WDPCP: variants seen among roughly 807,000 people sequenced by gnomAD.
WDPCP encodes WD repeat-containing and planar cell polarity effector protein fritz homolog.
WDPCP carries 71 observed loss-of-function variants against 93.1 expected under a neutral mutation model. The observed-to-expected ratio is 0.76, with a 90% CI of 0.63 to 0.93. The LOEUF is 0.93. Among genes scored for constraint, WDPCP ranks in the 40% least tolerant of loss-of-function variants. WDPCP has a pLI of 0.00. For synonymous variants in WDPCP, 315 were observed against 315.0 expected, an observed-to-expected ratio of 1.00 and a Z score of 0.00; for missense variants, 844 against 887.4, an observed-to-expected ratio of 0.95 and a Z score of 0.62.
Position 63,622,851 on chromosome 2 carries a change from T to C in WDPCP, n.488+27808A>G. The C allele has an allele frequency of 1.9e-6, 3 of 1,592,052 alleles. No individual in the cohort carries two copies. In the South Asian group the frequency reaches 3.3e-5, roughly 18 times the overall value. On this transcript the variant is annotated intron_variant and non_coding_transcript_variant, in intron 3 of 4. Transcript: ENST00000467687. ...AACCATCGTCCTGGCCGAAGTGGGC[T>C]CAGCACCCGCGCAGCATCAGGGGTG... is the stretch of plus-strand genomic sequence containing the variant.
chr2:63,262,362 A>G (rs557420874), intron 13 of WDPCP, among the ~76,000 whole-genome samples: 2 of 152,152 alleles, frequency 1.3e-5, no homozygotes, highest in Non-Finnish European at 2.9e-5. Context: ...TACATTTATG[A>G]AGATTTCAAT....
chr2:63,421,045 T>C (rs1358902118), intron 9 of WDPCP, among the ~76,000 whole-genome samples: 1 of 152,220 alleles, frequency 6.6e-6, no homozygotes, highest in African/African-American at 2.4e-5. Flanking sequence ...TTTACTGATT[T>C]ACTCTACCAT....
At chr2:63,285,212 C>T (rs1254384036) in intron 13 of WDPCP, among the ~76,000 whole-genome samples, 2 of 152,082 alleles carry the variant, frequency 1.3e-5, no homozygotes, top group Non-Finnish European at 2.9e-5. Flanking sequence ...CGGCGGATCA[C>T]GAGGTAAGGA....
At chr2:63,286,750 T>A (rs1684031831) in intron 13 of WDPCP, among the ~76,000 whole-genome samples, 1 of 152,274 alleles carries the variant, frequency 6.6e-6, no homozygotes, top group Non-Finnish European at 1.5e-5. Context: ...TAATTTATGA[T>A]GTTTAGATAT....
chr2:63,270,989 T>C (rs559233774), intron 13 of WDPCP, among the ~76,000 whole-genome samples: 8 of 152,314 alleles, frequency 5.3e-5, no homozygotes, highest in African/African-American at 1.9e-4. Flanking sequence ...TCCACATCAC[T>C]GGAGCCCTGC....
At chr2:63,528,502 G>C (rs950101906) in intron 1 of WDPCP, among the ~76,000 whole-genome samples, 2 of 152,136 alleles carry the variant, frequency 1.3e-5, no homozygotes, top group Admixed American at 6.5e-5. Context: ...GTTTTTATCA[G>C]GTTTGTCAAA....
intron 10 of WDPCP, among the ~76,000 whole-genome samples, chr2:63,389,000 C>A (rs1208574505): frequency 6.6e-6 from 1 of 152,128 alleles, no homozygotes; most frequent in African/African-American, 2.4e-5. Flanking sequence ...GGAGAACTTC[C>A]TCAACCTAGC....
At chr2:63,125,524 C>T (rs1344834511) in intron 17 of WDPCP, among the ~76,000 whole-genome samples, 5 of 152,188 alleles carry the variant, frequency 3.3e-5, no homozygotes, top group African/African-American at 1.2e-4. Context: ...AACTCCTGGG[C>T]TCAAGCACTT....
chr2:63,692,566 C>A (rs1486345006), intron 2 of WDPCP, among the ~76,000 whole-genome samples: 1 of 152,022 alleles, frequency 6.6e-6, no homozygotes, highest in Admixed American at 6.5e-5. Flanking sequence ...CAGTATAAAC[C>A]AAGGTCAAGA....
intron 6 of WDPCP, among the ~76,000 whole-genome samples, chr2:63,462,615 T>C (rs1216712669): frequency 1.3e-5 from 2 of 151,938 alleles, no homozygotes; most frequent in Non-Finnish European, 2.9e-5. Flanking sequence ...TGAAGTAGTC[T>C]AGAGAGAGAA....
intron 2 of WDPCP, among the ~76,000 whole-genome samples, chr2:63,732,005 C>T (rs1225791513): frequency 6.6e-6 from 1 of 152,154 alleles, no homozygotes; most frequent in African/African-American, 2.4e-5. Flanking sequence ...TACATGGGCA[C>T]ATGAAGTGAA....
chr2:63,722,606 A>G (rs1234601677), intron 2 of WDPCP, among the ~76,000 whole-genome samples: 12 of 59,524 alleles, frequency 2.0e-4, no homozygotes, highest in East Asian at 4.8e-4. Context: ...TCCGGGAGGG[A>G]GGTGGGGGGG....
intron 12 of WDPCP, among the ~76,000 whole-genome samples, chr2:63,353,917 A>T (rs973617642): frequency 1.3e-5 from 2 of 151,966 alleles, no homozygotes; most frequent in African/African-American, 4.8e-5. Context: ...GCCCATTCCC[A>T]TATCTCCTCA....
At chr2:63,594,102 G>T (rs892675142) in intron 3 of WDPCP, among the ~76,000 whole-genome samples, 1 of 152,106 alleles carries the variant, frequency 6.6e-6, no homozygotes, top group Non-Finnish European at 1.5e-5. Flanking sequence ...CTTCTTCTTG[G>T]TATGAAGATT....
chr2:63,324,769 A>G (rs1305183197), intron 12 of WDPCP, among the ~76,000 whole-genome samples: 1 of 152,162 alleles, frequency 6.6e-6, no homozygotes, highest in Non-Finnish European at 1.5e-5. Context: ...CCCCACTGGG[A>G]CCTCAACTCA....
intron 10 of WDPCP, among the ~76,000 whole-genome samples, chr2:63,398,685 C>A (rs1179573385): frequency 1.3e-5 from 2 of 152,004 alleles, no homozygotes; most frequent in African/African-American, 2.4e-5. Context: ...AAACTACGAC[C>A]CATGATCTAT....
intron 12 of WDPCP, among the ~76,000 whole-genome samples, chr2:63,361,836 T>C (rs1234406683): frequency 1.3e-5 from 2 of 152,170 alleles, no homozygotes; most frequent in Non-Finnish European, 2.9e-5. Flanking sequence ...GGGTGAGGCA[T>C]CCAAGCTCCA....
intron 2 of WDPCP, among the ~76,000 whole-genome samples, chr2:63,703,310 A>G (rs1344452153): frequency 6.6e-6 from 1 of 152,214 alleles, no homozygotes; most frequent in Non-Finnish European, 1.5e-5. Flanking sequence ...AACTTCCACA[A>G]TGGTTGAACT....
chr2:63,795,980 A>C (rs962721472), intron 2 of WDPCP, among the ~76,000 whole-genome samples: 6 of 152,230 alleles, frequency 3.9e-5, no homozygotes, highest in Non-Finnish European at 1.5e-5. Flanking sequence ...GGTCTAGACC[A>C]ATCATGATTC....
Sources: allele counts gnomAD v4.1 joint callset (sites outside exome capture counted in the v4.1 genomes callset), GRCh38; gene constraint gnomAD v4.1.1; transcripts MANE v1.5; gene names NCBI Gene and HGNC (gene_info 2026-07-23, HGNC 2026-07-21).